Variants in ANKHD1 observed in about 807,000 individuals in gnomAD.
ANKHD1 encodes the protein ankyrin repeat and KH domain-containing protein 1.
A neutral mutation model predicts 230.5 loss-of-function variants in ANKHD1; 31 were observed. The ratio of observed to expected loss-of-function variants is 0.13; its 90% CI spans 0.10 to 0.18. The LOEUF is 0.18. ANKHD1 is among the 10% of genes least tolerant of loss of function. ANKHD1 has a pLI of 1.00. For missense variants in ANKHD1, 2,256 were observed against 3,071.3 expected (o/e 0.73, Z 6.27); for synonymous variants, 1,074 against 1,117.6 (o/e 0.96, Z 0.78).
chr5:140,514,675 A>T (rs978576751), intron 24 of ANKHD1, among the ~76,000 whole-genome samples: 1 of 152,204 alleles, frequency 6.6e-6, no homozygotes, highest in African/African-American at 2.4e-5. Flanking sequence ...ATTTTGAGCA[A>T]GATCCCAATT....
chr5:140,475,001 A>T (rs1010313294), intron 10 of ANKHD1, among the ~76,000 whole-genome samples: 5 of 152,184 alleles, frequency 3.3e-5, no homozygotes, highest in African/African-American at 1.2e-4. Context: ...ACTTAAAACT[A>T]GGAAACTTCT....
At chr5:140,513,064 A>G in intron 23 of ANKHD1, 141 bp downstream of exon 23, 1 of 796,382 alleles carries the variant, frequency 1.3e-6, no homozygotes, top group Non-Finnish European at 1.9e-6. Context: ...CCATTTGCAA[A>G]ATAGAGGGGT....
At chr5:140,414,945 G>A (rs1214316717) in intron 1 of ANKHD1, among the ~76,000 whole-genome samples, 1 of 151,864 alleles carries the variant, frequency 6.6e-6, no homozygotes, top group Non-Finnish European at 1.5e-5. Flanking sequence ...ACAAATATTT[G>A]CCTTCATTCT....
Position 140,529,187 on chromosome 5 carries a change from G to A in ANKHD1, c.6241G>A (p.Ala2081Thr). ...TACTTCCAGTAACACACAAGAGGAG[G>A]CACAGCCATCCAGTGTGTCTGATTT... ...TPTSSNTQEE[A>T]QPSSVSDLSP... The change falls in exon 29 of 34, where the codon GCA becomes ACA. Residue 2081 changes from alanine (A) to threonine (T), a missense_variant. By Grantham distance (58) the Ala-to-Thr change is moderately conservative. Coordinates refer to ENST00000360839, the MANE Select transcript of ANKHD1 (RefSeq NM_017747.3). The A allele has an allele frequency of 1.2e-6, 2 of 1,614,158 alleles. No homozygotes were observed. Among genetic ancestry groups the A allele is most frequent in the Non-Finnish European group, 1.7e-6 (2 of 1,180,034 alleles).
intron 10 of ANKHD1, among the ~76,000 whole-genome samples, chr5:140,477,657 G>A (rs1751042084): frequency 2.6e-5 from 4 of 152,108 alleles, no homozygotes; most frequent in Non-Finnish European, 5.9e-5. Flanking sequence ...CTGTCACCAG[G>A]CTGGAGTGCA....
chr5:140,503,553 CTTTTTTTTTTTTTTTTTTTTT>C (rs70988767), intron 15 of ANKHD1, among the ~76,000 whole-genome samples: 4 of 51,418 alleles, frequency 7.8e-5, no homozygotes, highest in African/African-American at 2.6e-4. Flanking sequence ...AGTTTTCTTT[CTTTTTTTTTTTTTTTTTTTTT>C]TTTTTTTTTT....
rs1176456909 is a variant in ANKHD1, at chr5:140,497,124, A to G, written c.2850A>G (p.Glu950=). 7 of 1,614,028 alleles carry G rather than the reference A, an allele frequency of 4.3e-6. No homozygotes were observed. The highest frequency in any genetic ancestry group is 2.7e-5 in the African/African-American group (2 of 74,916). The change falls in exon 15 of 34, where the codon GAA becomes GAG. Residue 950 remains glutamate, a synonymous_variant. Coordinates refer to ENST00000360839, the MANE Select transcript of ANKHD1 (RefSeq NM_017747.3). ...DLGSNGTNSL[E]LQKVSGNQQI... is the part of the protein sequence containing the mutation. ...GTTCTAATGGGACAAATTCTCTTGA[A>G]CTTCAGAAAGTATCAGGTAATCAGC...
chr5:140,431,613 T>G (rs746340324), intron 1 of ANKHD1, among the ~76,000 whole-genome samples: 8 of 152,180 alleles, frequency 5.3e-5, no homozygotes, highest in Non-Finnish European at 1.0e-4. Context: ...AAATAGAATG[T>G]CAGAAAGGTT....
intron 1 of ANKHD1, among the ~76,000 whole-genome samples, chr5:140,419,788 T>TTCTCTC (rs760958601): frequency 2.3e-5 from 2 of 87,964 alleles, no homozygotes; most frequent in South Asian, 4.3e-4. Flanking sequence ...CTTTCTTTCT[T>TTCTCTC]TCTTTCTTTC....
intron 24 of ANKHD1, among the ~76,000 whole-genome samples, chr5:140,514,187 T>TAA (rs141993613): frequency 8.1e-5 from 9 of 111,444 alleles, no homozygotes; most frequent in Admixed American, 1.9e-4. Context: ...CTCTCTCTAT[T>TAA]AAAAAAAAAA....
chr5:140,477,587 C>T (rs1314953406), intron 10 of ANKHD1, among the ~76,000 whole-genome samples: 1 of 152,096 alleles, frequency 6.6e-6, no homozygotes, highest in African/African-American at 2.4e-5. Context: ...TCTTTAATTC[C>T]ATACATTTAG....
intron 6 of ANKHD1, among the ~76,000 whole-genome samples, chr5:140,446,443 C>T (rs1471292812): frequency 6.6e-6 from 1 of 152,130 alleles, no homozygotes; most frequent in Non-Finnish European, 1.5e-5. Flanking sequence ...CCACTGCAAC[C>T]TCTGCCTCCT....
intron 5 of ANKHD1, among the ~76,000 whole-genome samples, chr5:140,443,993 G>A (rs1429264844): frequency 6.6e-6 from 1 of 151,216 alleles, no homozygotes; most frequent in African/African-American, 2.4e-5. Flanking sequence ...AAGACAGTTT[G>A]AAAACCACCA....
Position 140,486,961 on chromosome 5 carries a change from C to A in ANKHD1, c.2146C>A (p.Pro716Thr). ...PPPSQDQSQV[P>T]RVPTHTLAMV... Reference sequence around the variant, plus strand: ...TTTTTCTGAGTTGACTTTTTAGGTGCCACGTGTGCCAACGCATACACTTGC... The same window carrying A: ...TTTTTCTGAGTTGACTTTTTAGGTGACACGTGTGCCAACGCATACACTTGC... The change falls in exon 14 of 34, where the codon CCA becomes ACA. Residue 716 changes from proline (P) to threonine (T), a missense_variant. Coordinates refer to ENST00000360839, the MANE Select transcript of ANKHD1 (RefSeq NM_017747.3). 6.2e-7 allele frequency: 1 copy of A among 1,608,414 alleles called. No individual in the cohort carries two copies. The highest frequency in any genetic ancestry group is 8.5e-7 in the Non-Finnish European group (1 of 1,176,866).
rs753831812 is a variant in ANKHD1, at chr5:140,496,847, T to G, written c.2573T>G (p.Leu858Trp). ...CAGCAGCAATTTACCAAAGAATACTTGGAAACCAAAGGTCAGAAAGACACA... is the reference window on the plus strand; with the variant it reads ...CAGCAGCAATTTACCAAAGAATACTGGGAAACCAAAGGTCAGAAAGACACA... ...KTQQQFTKEY[L>W]ETKGQKDTVS... The change falls in exon 15 of 34, where the codon TTG becomes TGG. Residue 858 changes from leucine to tryptophan, a missense_variant. Physicochemically the swap from Leu to Trp is moderately conservative, Grantham distance 61. Around this residue, in one of 13 missense-constraint regions of ANKHD1, gnomAD observed 358 missense variants for 397.7 expected, o/e 0.90. Coordinates refer to ENST00000360839, the MANE Select transcript of ANKHD1 (RefSeq NM_017747.3). 6.2e-7 allele frequency: 1 copy of G among 1,614,050 alleles called. No individual in the cohort carries two copies.
intron 1 of ANKHD1, among the ~76,000 whole-genome samples, chr5:140,410,446 A>C (rs909687774): frequency 1.3e-5 from 2 of 152,224 alleles, no homozygotes; most frequent in African/African-American, 2.4e-5. Context: ...AGTGATCACT[A>C]ATATAAATAA....
chr5:140,496,789 C>G lies in ANKHD1; in HGVS notation c.2515C>G (p.Gln839Glu). 6.2e-7 allele frequency: 1 copy of G among 1,613,926 alleles called. No individual in the cohort carries two copies. The highest frequency in any genetic ancestry group is 8.5e-7 in the Non-Finnish European group (1 of 1,179,994). The change falls in exon 15 of 34, where the codon CAG becomes GAG. Residue 839 changes from glutamine to glutamate, a missense_variant. Coordinates refer to ENST00000360839, the MANE Select transcript of ANKHD1 (RefSeq NM_017747.3). ...QKKKKILKEL[Q>E]KVERQLQMKT... The stretch of plus-strand genomic sequence containing the variant: ...GAAGAAGAAAATATTGAAAGAACTG[C>G]AGAAAGTGGAAAGGCAGTTGCAGAT...
intron 5 of ANKHD1, among the ~76,000 whole-genome samples, chr5:140,445,300 G>A (rs2126932157): frequency 6.6e-6 from 1 of 152,142 alleles, no homozygotes; most frequent in Non-Finnish European, 1.5e-5. Flanking sequence ...GACGTCAGGA[G>A]TTTGAGACCA....
chr5:140,453,737 T>C (rs1405384649), intron 7 of ANKHD1, among the ~76,000 whole-genome samples: 4 of 152,084 alleles, frequency 2.6e-5, no homozygotes, highest in South Asian at 4.1e-4. Context: ...AAGGAACAAC[T>C]GGTACCAGCC....
Sources: gnomAD v4.1 joint callset for allele counts (sites outside exome capture counted in the v4.1 genomes callset) on GRCh38, gnomAD v4.1.1 for gene constraint, gnomAD v4.1.1 regional missense constraint, MANE v1.5 for transcripts, NCBI Gene and HGNC (gene_info 2026-07-23, HGNC 2026-07-21) for gene names.